Variants in NLGN1 observed in about 807,000 individuals in gnomAD.
The protein encoded by NLGN1 is neuroligin 1.
A neutral mutation model predicts 65.5 loss-of-function variants in NLGN1; 12 were observed. The ratio of observed to expected loss-of-function variants is 0.18; its 90% CI spans 0.12 to 0.30. The LOEUF (loss-of-function observed/expected upper bound fraction) is 0.30. Ranked by LOEUF, NLGN1 falls within the 10% of genes least tolerant of loss-of-function variation. The probability of loss-of-function intolerance (pLI) is 1.00; values close to 1 mark genes in which losing one functional copy is unlikely to be tolerated. For missense variants in NLGN1, 750 were observed against 1,007.1 expected, an observed-to-expected ratio of 0.74 and a Z score of 3.46; for synonymous variants, 350 against 359.5, an observed-to-expected ratio of 0.97 and a Z score of 0.30.
intron 4 of NLGN1, among the ~76,000 whole-genome samples, chr3:174,026,626 T>G (rs957994322): frequency 2.0e-5 from 3 of 152,080 alleles, no homozygotes; most frequent in Non-Finnish European, 2.9e-5. Flanking sequence ...TAATAGAGTA[T>G]GAGGTGGGGG....
At chr3:174,166,765 A>G (rs1470137806) in intron 4 of NLGN1, among the ~76,000 whole-genome samples, 1 of 152,066 alleles carries the variant, frequency 6.6e-6, no homozygotes, top group African/African-American at 2.4e-5. Context: ...AGTCTTTCTA[A>G]TGCTGTCAGT....
intron 2 of NLGN1, among the ~76,000 whole-genome samples, chr3:173,543,216 A>C (rs992404836): frequency 3.3e-5 from 5 of 152,138 alleles, no homozygotes; most frequent in African/African-American, 1.2e-4. Context: ...TGTTGCTTTT[A>C]TAGCTTCCAG....
At chr3:173,677,597 T>G (rs1763349587) in intron 3 of NLGN1, among the ~76,000 whole-genome samples, 1 of 152,104 alleles carries the variant, frequency 6.6e-6, no homozygotes, top group Admixed American at 6.6e-5. Flanking sequence ...CCATATAGAT[T>G]TGATAAGTTT....
chr3:173,803,197 C>A (rs1715835889), intron 3 of NLGN1, among the ~76,000 whole-genome samples: 1 of 152,030 alleles, frequency 6.6e-6, no homozygotes, highest in Non-Finnish European at 1.5e-5. Context: ...TCTGAAGTGA[C>A]AAAAATGGTT....
chr3:173,901,699 T>C (rs1167024363), intron 4 of NLGN1, among the ~76,000 whole-genome samples: 3 of 152,056 alleles, frequency 2.0e-5, no homozygotes, highest in Non-Finnish European at 4.4e-5. Context: ...TTGGAAACTT[T>C]ATTGGGAAAT....
At chr3:173,569,872 G>GCT (rs56884873) in intron 2 of NLGN1, among the ~76,000 whole-genome samples, 71,226 of 151,476 alleles carry the variant, frequency 0.47, 16,325 homozygotes, top group East Asian at 0.73. Flanking sequence ...ACACATTCAT[G>GCT]CTTTCTCTAA....
rs978163275 is a variant in NLGN1, at chr3:174,084,721, C to T, written c.647-190594C>T. On this transcript the variant is annotated intron_variant, in intron 4 of 6. Coordinates refer to ENST00000457714, the Ensembl canonical transcript of NLGN1. ...TTCCTGACATTTAATGCTCCAAATT[C>T]TTCCTGTAATCTTTGTTCCACTTTT... is the stretch of plus-strand genomic sequence containing the variant. Among the ~76,000 whole-genome samples, 8 of 152,178 alleles carry T rather than the reference C, an allele frequency of 5.3e-5. No homozygotes were observed. In the East Asian group the frequency reaches 1.5e-3, roughly 29 times the overall value.
intron 2 of NLGN1, among the ~76,000 whole-genome samples, chr3:173,603,352 TGATA>T (rs1302709132): frequency 1.3e-5 from 2 of 152,124 alleles, no homozygotes; most frequent in Admixed American, 6.6e-5. Flanking sequence ...GTGTAAACAG[TGATA>T]GATGTTTGAT....
At chr3:174,096,262 A>G (rs910834055) in intron 4 of NLGN1, among the ~76,000 whole-genome samples, 2 of 150,476 alleles carry the variant, frequency 1.3e-5, no homozygotes, top group African/African-American at 4.9e-5. Flanking sequence ...TATGTAATAT[A>G]TAAACGTACT....
chr3:173,789,428 C>G (rs1044114605), intron 3 of NLGN1, among the ~76,000 whole-genome samples: 1 of 152,126 alleles, frequency 6.6e-6, no homozygotes, highest in Non-Finnish European at 1.5e-5. Context: ...ACGTGAAAAG[C>G]CTTTGCAGAG....
chr3:174,185,590 A>C (rs1390036208), intron 4 of NLGN1, among the ~76,000 whole-genome samples: 1 of 152,122 alleles, frequency 6.6e-6, no homozygotes, highest in Non-Finnish European at 1.5e-5. Context: ...CATAGTATGT[A>C]CTCAGTAAAG....
chr3:174,217,114 C>T (rs561386466), intron 4 of NLGN1, among the ~76,000 whole-genome samples: 2 of 152,134 alleles, frequency 1.3e-5, no homozygotes, highest in East Asian at 1.9e-4. Flanking sequence ...ATCTTTCTTC[C>T]GTTTTCCGGT....
At chr3:173,898,649 G>A (rs1041009847) in intron 4 of NLGN1, among the ~76,000 whole-genome samples, 4 of 152,192 alleles carry the variant, frequency 2.6e-5, no homozygotes, top group African/African-American at 4.8e-5. Flanking sequence ...TGTTGGGTGT[G>A]TATGTTTTAC....
intron 4 of NLGN1, among the ~76,000 whole-genome samples, chr3:174,007,147 C>G (rs922672986): frequency 4.6e-5 from 7 of 152,040 alleles, no homozygotes; most frequent in Non-Finnish European, 8.8e-5. Flanking sequence ...AAAGACCATG[C>G]GGAGCACAGT....
chr3:174,059,724 T>C (rs1344644639), intron 4 of NLGN1, among the ~76,000 whole-genome samples: 2 of 152,298 alleles, frequency 1.3e-5, no homozygotes, highest in Non-Finnish European at 1.5e-5. Flanking sequence ...AGCCCTATGA[T>C]AGCTAATTCT....
At chr3:173,444,021 T>C (rs921483194) in intron 2 of NLGN1, among the ~76,000 whole-genome samples, 1 of 152,182 alleles carries the variant, frequency 6.6e-6, no homozygotes, top group Non-Finnish European at 1.5e-5. Context: ...TTTTTTGTGA[T>C]ATCTATGTAT....
At chr3:173,637,209 C>T (rs903754314) in intron 3 of NLGN1, among the ~76,000 whole-genome samples, 2 of 152,030 alleles carry the variant, frequency 1.3e-5, no homozygotes, top group African/African-American at 4.8e-5. Context: ...TTAAAGAGGC[C>T]TACTATGGAA....
chr3:173,746,167 C>T (rs1372886753), intron 3 of NLGN1, among the ~76,000 whole-genome samples: 2 of 152,014 alleles, frequency 1.3e-5, no homozygotes, highest in Admixed American at 6.6e-5. Flanking sequence ...GTGGCATGCA[C>T]CTGTAATACC....
At chr3:173,565,716 A>T (rs1743536584) in intron 2 of NLGN1, among the ~76,000 whole-genome samples, 1 of 152,176 alleles carries the variant, frequency 6.6e-6, no homozygotes, top group African/African-American at 2.4e-5. Flanking sequence ...TTACCACATA[A>T]AGGTAAACCA....
Sources: allele counts gnomAD v4.1 joint callset (sites outside exome capture counted in the v4.1 genomes callset), GRCh38; gene constraint gnomAD v4.1.1; transcripts MANE v1.5; gene names NCBI Gene and HGNC (gene_info 2026-07-23, HGNC 2026-07-21).